Variants in CSMD1 observed in about 807,000 individuals in gnomAD.
CSMD1 encodes CUB and sushi domain-containing protein 1.
A neutral mutation model predicts 417.5 loss-of-function variants in CSMD1; 213 were observed. That is an observed-to-expected ratio of 0.51 (90% CI 0.46 to 0.57). The LOEUF (loss-of-function observed/expected upper bound fraction) is 0.57. Among genes scored for constraint, CSMD1 ranks in the 20% least tolerant of loss-of-function variants. CSMD1 has a pLI of 0.00. For missense variants in CSMD1, 6,923 were observed against 4,529.7 expected, an observed-to-expected ratio of 1.53 and a Z score of -15.17; for synonymous variants, 2,862 against 1,736.8, an observed-to-expected ratio of 1.65 and a Z score of -16.11.
intron 5 of CSMD1, among the ~76,000 whole-genome samples, chr8:3,886,185 G>C (rs1303190909): frequency 6.6e-6 from 1 of 152,206 alleles, no homozygotes; most frequent in Admixed American, 6.5e-5. Flanking sequence ...GAGTAGGTGG[G>C]ATTACAGGTG....
intron 1 of CSMD1, among the ~76,000 whole-genome samples, chr8:4,748,960 C>T (rs1585038583): frequency 1.3e-5 from 2 of 152,318 alleles, no homozygotes; most frequent in East Asian, 3.9e-4. Context: ...CACTACAATT[C>T]TTCTAATAAG....
chr8:3,713,090 T>C (rs749237051), intron 6 of CSMD1, among the ~76,000 whole-genome samples: 1 of 152,324 alleles, frequency 6.6e-6, no homozygotes, highest in East Asian at 1.9e-4. Flanking sequence ...CGAATCTCTT[T>C]TCTGATAACA....
At chr8:4,591,763 G>C (rs547055807) in intron 2 of CSMD1, among the ~76,000 whole-genome samples, 2 of 152,216 alleles carry the variant, frequency 1.3e-5, no homozygotes, top group Non-Finnish European at 2.9e-5. Flanking sequence ...ATCTGTTTTG[G>C]AAATACTTAG....
chr8:3,803,242 G>A (rs1800554723), intron 5 of CSMD1, among the ~76,000 whole-genome samples: 1 of 152,158 alleles, frequency 6.6e-6, no homozygotes, highest in African/African-American at 2.4e-5. Context: ...CATTCTGACT[G>A]CTTGGCATAA....
chr8:4,283,454 C>T (rs1796897905), intron 3 of CSMD1, among the ~76,000 whole-genome samples: 1 of 152,144 alleles, frequency 6.6e-6, no homozygotes, highest in Non-Finnish European at 1.5e-5. Context: ...TGCAAATTAT[C>T]TCTTGCATTT....
intron 3 of CSMD1, among the ~76,000 whole-genome samples, chr8:4,225,042 G>C (rs773977167): frequency 6.6e-6 from 1 of 152,150 alleles, no homozygotes; most frequent in Non-Finnish European, 1.5e-5. Flanking sequence ...AACCCTAGAG[G>C]CAGAGGTTGC....
At chr8:4,592,675 C>A (rs1800052078) in intron 2 of CSMD1, among the ~76,000 whole-genome samples, 1 of 152,172 alleles carries the variant, frequency 6.6e-6, no homozygotes, top group Non-Finnish European at 1.5e-5. Context: ...GCGTGAGCCA[C>A]TGTACCCGGC....
At chr8:4,610,806 G>A (rs1485220797) in intron 2 of CSMD1, among the ~76,000 whole-genome samples, 1 of 152,154 alleles carries the variant, frequency 6.6e-6, no homozygotes, top group Non-Finnish European at 1.5e-5. Context: ...AAGAGTTCAG[G>A]ATGGCATGCA....
At chr8:3,015,625 T>C (rs77097827) in intron 52 of CSMD1, among the ~76,000 whole-genome samples, 1 of 151,942 alleles carries the variant, frequency 6.6e-6, no homozygotes, top group Non-Finnish European at 1.5e-5. Flanking sequence ...TATATCTCCT[T>C]ACCAACTGCA....
At chr8:2,949,224 T>G (rs1015078589) in intron 68 of CSMD1, 75 bp downstream of exon 68, 3 of 812,616 alleles carry the variant, frequency 3.7e-6, no homozygotes, top group Non-Finnish European at 6.1e-6. Context: ...AGTCGTCTTT[T>G]CCATTTCTTC....
At chr8:3,821,871 C>T (rs1019541341) in intron 5 of CSMD1, among the ~76,000 whole-genome samples, 4 of 152,116 alleles carry the variant, frequency 2.6e-5, no homozygotes, top group African/African-American at 4.8e-5. Flanking sequence ...GAAAGTCACA[C>T]GGAGAAGGTA....
chr8:3,988,346 T>C (rs891049502), intron 5 of CSMD1, among the ~76,000 whole-genome samples: 2 of 152,234 alleles, frequency 1.3e-5, no homozygotes, highest in Admixed American at 1.3e-4. Context: ...ATAGCATAAC[T>C]ACTGCAATGT....
rs143224425 is a variant in CSMD1, at chr8:3,637,976, C to T, written c.1010-21179G>A. Among the ~76,000 whole-genome samples, 43 of 152,292 alleles carry T rather than the reference C, an allele frequency of 2.8e-4. 1 individual carries two copies. The highest frequency in any genetic ancestry group is 1.0e-3 in the African/African-American group (42 of 41,556). On this transcript the variant is annotated intron_variant, in intron 7 of 69. Coordinates refer to ENST00000635120, the MANE Select transcript of CSMD1 (RefSeq NM_033225.6). ...TTCACCTTCTGCCATGATTGTGAGG[C>T]CTCCTCAGTTATGTGGAACCATGAG... is the stretch of plus-strand genomic sequence containing the variant.
chr8:4,764,885 A>ACAAAAAAAAGAACAAAACAAAAC (rs1263324929), intron 1 of CSMD1, among the ~76,000 whole-genome samples: 1 of 74,810 alleles, frequency 1.3e-5, no homozygotes, highest in Non-Finnish European at 2.2e-5. Context: ...AAAAAAAAAA[A>ACAAAAAAAAGAACAAAACAAAAC]AAAAAAAAAC....
At chr8:3,211,434 G>A (rs1017459964) in intron 30 of CSMD1, among the ~76,000 whole-genome samples, 2 of 152,184 alleles carry the variant, frequency 1.3e-5, no homozygotes, top group South Asian at 4.1e-4. Flanking sequence ...GTAATGCGTG[G>A]CAGAGATCGA....
rs1374275360 is a variant in CSMD1, at chr8:4,007,263, T to A, written c.611-9153A>T. Among the ~76,000 whole-genome samples, 3 of 152,316 alleles carry A rather than the reference T, an allele frequency of 2.0e-5. No homozygotes were observed. The East Asian group carries it at 5.8e-4, about 29-fold the overall frequency. On this transcript the variant is annotated intron_variant, in intron 4 of 69. Transcript: ENST00000635120. ...CACCACTCATAATAAAACCAAAGCT[T>A]ACCAGGCCCTGAAAGGCATTATGTG...
chr8:3,123,370 A>C (rs1235729065), intron 41 of CSMD1, among the ~76,000 whole-genome samples: 1 of 152,212 alleles, frequency 6.6e-6, no homozygotes, highest in Non-Finnish European at 1.5e-5. Flanking sequence ...AGTGCCTGGA[A>C]TGCCTCCTCC....
intron 1 of CSMD1, among the ~76,000 whole-genome samples, chr8:4,752,908 C>A (rs934995050): frequency 3.3e-5 from 5 of 152,134 alleles, no homozygotes; most frequent in Admixed American, 2.6e-4. Context: ...CACTTTCCAG[C>A]GCTATTACAG....
intron 3 of CSMD1, among the ~76,000 whole-genome samples, chr8:4,064,345 T>C (rs1432143794): frequency 6.6e-6 from 1 of 152,216 alleles, no homozygotes; most frequent in African/African-American, 2.4e-5. Context: ...CTGCTCTCTT[T>C]CACAAATTGT....
Sources: gnomAD v4.1 joint callset for allele counts (sites outside exome capture counted in the v4.1 genomes callset) on GRCh38, gnomAD v4.1.1 for gene constraint, MANE v1.5 for transcripts, NCBI Gene and HGNC (gene_info 2026-07-23, HGNC 2026-07-21) for gene names.